The following MIR2052HG variants were observed in gnomAD, a reference collection of about 807,000 sequenced individuals.
The protein encoded by MIR2052HG is MIR2052 host gene.
intron 2 of MIR2052HG, among the ~76,000 whole-genome samples, chr8:74,622,025 A>C (rs1808368731): frequency 6.6e-6 from 1 of 152,196 alleles, no homozygotes. Flanking sequence ...CCAAGAGTAC[A>C]GGCAGCAAAA....
intron 2 of MIR2052HG, among the ~76,000 whole-genome samples, chr8:74,681,109 T>G (rs895089415): frequency 6.7e-6 from 1 of 150,266 alleles, no homozygotes; most frequent in Non-Finnish European, 1.5e-5. Context: ...ATATACCTAA[T>G]ACTAGATGAC....
chr8:74,714,014 C>G (rs1205707510), intron 4 of MIR2052HG, among the ~76,000 whole-genome samples: 2 of 151,996 alleles, frequency 1.3e-5, no homozygotes, highest in Non-Finnish European at 2.9e-5. Flanking sequence ...AAGAGACTCT[C>G]TCTTAGGAGA....
chr8:74,604,250 G>C lies in MIR2052HG; in HGVS notation n.128+4342G>C, dbSNP rs559576751. 6.5e-4 allele frequency: 567 copies of C among 876,064 alleles called. 2 individuals are homozygous for C. The African/African-American group carries it at 7.4e-3, about 11-fold the overall frequency. 54.3% of individuals were successfully genotyped at this position (876,064 alleles called of 1,614,324 possible). A position where few individuals can be genotyped will look rare whatever the true frequency, so the allele number is the denominator to read the frequency against. ...TCAATCACACTGGTTTCCATGTCGA[G>C]CAGTGTTCTGGGGAGCTGGACTTTG... On this transcript the variant is annotated intron_variant and non_coding_transcript_variant, in intron 1 of 6. Coordinates refer to ENST00000523442, the Ensembl canonical transcript of MIR2052HG.
chr8:74,668,887 G>C (rs751708611), intron 2 of MIR2052HG, among the ~76,000 whole-genome samples: 4 of 152,136 alleles, frequency 2.6e-5, no homozygotes, highest in Non-Finnish European at 4.4e-5. Flanking sequence ...GAGCTTCTCT[G>C]TTGGTCTTGA....
intron 2 of MIR2052HG, among the ~76,000 whole-genome samples, chr8:74,694,055 A>C (rs972825813): frequency 1.3e-5 from 2 of 152,166 alleles, no homozygotes; most frequent in African/African-American, 4.8e-5. Flanking sequence ...CAAACAACAC[A>C]AAACCAACAC....
At chr8:74,664,381 C>G (rs1201233797) in intron 2 of MIR2052HG, among the ~76,000 whole-genome samples, 2 of 152,134 alleles carry the variant, frequency 1.3e-5, no homozygotes, top group African/African-American at 4.8e-5. Flanking sequence ...TGGAAAGGCT[C>G]TGATTCCAAA....
chr8:74,610,862 G>A (rs1488165470), intron 1 of MIR2052HG, among the ~76,000 whole-genome samples: 1 of 151,838 alleles, frequency 6.6e-6, no homozygotes, highest in Non-Finnish European at 1.5e-5. Flanking sequence ...AGAAATTATA[G>A]ACCAAAAAGT....
chr8:74,646,927 CAAAT>C (rs55655738), intron 2 of MIR2052HG, among the ~76,000 whole-genome samples: 6 of 151,100 alleles, frequency 4.0e-5, no homozygotes, highest in South Asian at 2.1e-4. Context: ...AACCCTGTCT[CAAAT>C]AAATAAATAA....
At chr8:74,672,235 T>G (rs565700903) in intron 2 of MIR2052HG, among the ~76,000 whole-genome samples, 2 of 152,158 alleles carry the variant, frequency 1.3e-5, no homozygotes, top group African/African-American at 4.8e-5. Context: ...AACTTGAGAG[T>G]GTCCATATCT....
At chr8:74,723,393 T>C (rs903533028) in intron 4 of MIR2052HG, among the ~76,000 whole-genome samples, 1 of 152,222 alleles carries the variant, frequency 6.6e-6, no homozygotes, top group African/African-American at 2.4e-5. Flanking sequence ...CCTCCTTGTA[T>C]AGGCTGCCTA....
At chr8:74,753,039 A>G (rs1809964011) in intron 5 of MIR2052HG, among the ~76,000 whole-genome samples, 3 of 152,342 alleles carry the variant, frequency 2.0e-5, no homozygotes, top group African/African-American at 7.2e-5. Context: ...CTATGAATCT[A>G]ATCAGAAGGT....
chr8:74,600,587 GA>G (rs748726692), intron 1 of MIR2052HG, among the ~76,000 whole-genome samples: 1,754 of 137,508 alleles, frequency 0.013, 12 homozygotes, highest in Admixed American at 0.018. Context: ...AAAGAAAAAG[GA>G]AAAAAAAAAA....
At chr8:74,641,786 G>A in intron 2 of MIR2052HG, among the ~76,000 whole-genome samples, 1 of 152,074 alleles carries the variant, frequency 6.6e-6, no homozygotes, top group Admixed American at 6.6e-5. Flanking sequence ...TAAGATACTT[G>A]TAGGTTATAT....
chr8:74,746,289 G>GT (rs1809884648), intron 4 of MIR2052HG, among the ~76,000 whole-genome samples: 1 of 152,234 alleles, frequency 6.6e-6, no homozygotes, highest in Middle Eastern at 3.4e-3. Context: ...ATTCTCTCAT[G>GT]TGCCTGGAAT....
At position 74,730,810 on chromosome 8, in the gene MIR2052HG, G is replaced by A. The variant is rs112231067; in HGVS notation, n.372-21631G>A. 1.6e-4 allele frequency among the ~76,000 whole-genome samples: 24 copies of A among 152,124 alleles called. 3 individuals are homozygous for A. Among genetic ancestry groups the A allele is most frequent in the African/African-American group, 5.5e-4 (23 of 41,510 alleles). On this transcript the variant is annotated intron_variant and non_coding_transcript_variant, in intron 4 of 6. Transcript: ENST00000523442. ...CAATTTTTATGAAAACTAAAAAGAG[G>A]GGTCTGTAATCTAAATATTTGTTTA...
chr8:74,628,094 C>T (rs933330165), intron 2 of MIR2052HG, among the ~76,000 whole-genome samples: 24 of 151,896 alleles, frequency 1.6e-4, no homozygotes, highest in Non-Finnish European at 1.9e-4. Context: ...AACATGGGCA[C>T]GAGGAAGAGA....
chr8:74,644,436 G>A (rs1808670401), intron 2 of MIR2052HG, among the ~76,000 whole-genome samples: 1 of 152,168 alleles, frequency 6.6e-6, no homozygotes, highest in African/African-American at 2.4e-5. Context: ...TCAGTGTGTA[G>A]CAGGTTACAC....
chr8:74,648,944 T>C (rs1319108412), intron 2 of MIR2052HG, among the ~76,000 whole-genome samples: 1 of 152,098 alleles, frequency 6.6e-6, no homozygotes, highest in Non-Finnish European at 1.5e-5. Context: ...CCTTGGCCTC[T>C]TAGGAAAGAA....
chr8:74,640,218 G>A (rs939917707), intron 2 of MIR2052HG, among the ~76,000 whole-genome samples: 1 of 152,002 alleles, frequency 6.6e-6, no homozygotes, highest in African/African-American at 2.4e-5. Flanking sequence ...TAGCACTTTG[G>A]GAGGCCAAGG....
Sources: allele counts gnomAD v4.1 joint callset (sites outside exome capture counted in the v4.1 genomes callset), GRCh38; gene constraint gnomAD v4.1.1; transcripts MANE v1.5; gene names NCBI Gene and HGNC (gene_info 2026-07-23, HGNC 2026-07-21).